The following RADIL variants were observed in gnomAD, a reference collection of about 807,000 sequenced individuals.
The protein encoded by RADIL is Rap associating with DIL domain.
RADIL carries 99 observed loss-of-function variants against 97.6 expected under a neutral mutation model. The observed-to-expected ratio is 1.01, with a 90% CI of 0.86 to 1.20. RADIL has a LOEUF of 1.20. Among genes scored for constraint, RADIL ranks in the 50% most tolerant of loss-of-function variants. RADIL has a pLI of 0.00. For synonymous variants in RADIL, 803 were observed against 691.8 expected (o/e 1.16, Z -2.52); for missense variants, 1,765 against 1,498.9 (o/e 1.18, Z -2.93).
intron 4 of RADIL, among the ~76,000 whole-genome samples, chr7:4,832,437 G>C (rs1783171294): frequency 6.6e-6 from 1 of 152,066 alleles, no homozygotes; most frequent in African/African-American, 2.4e-5. Flanking sequence ...ATAACAACCG[G>C]CTATTTAAAA....
intron 2 of RADIL, among the ~76,000 whole-genome samples, chr7:4,847,857 G>T (rs1222281110): frequency 1.3e-5 from 2 of 151,998 alleles, no homozygotes; most frequent in Non-Finnish European, 2.9e-5. Flanking sequence ...GGGTCTGGGG[G>T]TGGGACCGGC....
In RADIL at chr7:4,842,559, T is replaced by C. The variant is rs969943370; in HGVS notation, c.536-5954A>G. ...AAACTGGACAAGCAGCTGGTGACCG[T>C]CACCAGCTCCCACGGACTCTGAACA... On this transcript the variant is annotated intron_variant, in intron 2 of 14. Coordinates refer to ENST00000399583, the MANE Select transcript of RADIL (RefSeq NM_018059.5). This position sits in a 1 kb window ranked among gnomAD's most constrained non-coding sequence, Gnocchi z 4.5. Among the ~76,000 whole-genome samples, 7 of 152,014 alleles carry C rather than the reference T, an allele frequency of 4.6e-5. No homozygotes were observed. Among genetic ancestry groups the C allele is most frequent in the Non-Finnish European group, 8.8e-5 (6 of 67,990 alleles).
In RADIL at chr7:4,797,430, G is replaced by A. The variant is rs537145261; in HGVS notation, c.*1948C>T. The A allele has an allele frequency of 2.0e-5, 3 of 152,222 alleles. No individual in the cohort carries two copies. The highest frequency in any genetic ancestry group is 2.9e-5 in the Non-Finnish European group (2 of 68,036). 9.4% of individuals were successfully genotyped at this position (152,222 alleles called of 1,614,324 possible). On this transcript the variant is annotated 3_prime_UTR_variant, in exon 15 of 15. Transcript: ENST00000399583. ...GAAGGCCGGAGAATATTGCAGGGAA[G>A]AAGAGATAAGCCCCCTTCTCTTTGT...
chr7:4,822,300 T>C lies in RADIL; in HGVS notation c.1615+94A>G. The C allele has an allele frequency of 7.1e-7, 1 of 1,403,670 alleles. No homozygotes were observed. Among genetic ancestry groups the C allele is most frequent in the South Asian group, 1.4e-5 (1 of 69,660 alleles). The allele number at this position is 1,403,670 out of a possible 1,614,324, so 87.0% of individuals were successfully genotyped here. ...CCCCGGCATGAATCCACCCCTGCTA[T>C]CATGGCCAACTAGGTTCCGAGGACG... is the stretch of plus-strand genomic sequence containing the variant. On this transcript the variant is annotated intron_variant, in intron 6 of 14. Coordinates refer to ENST00000399583, the MANE Select transcript of RADIL (RefSeq NM_018059.5). The surrounding 1 kb of genome is among the most constrained non-coding windows in gnomAD (Gnocchi z 5.3).
rs111348753 is a variant in RADIL, at chr7:4,822,809, C to G, written c.1455-255G>C. On this transcript the variant is annotated intron_variant, in intron 5 of 14. Coordinates refer to ENST00000399583, the MANE Select transcript of RADIL (RefSeq NM_018059.5). The surrounding 1 kb of genome is among the most constrained non-coding windows in gnomAD (Gnocchi z 5.3). ...GGCGCCACAGCCATTGGTAAAAAAC[C>G]TCGGTAAGTAGATGGCTTGCATGTC... Among the ~76,000 whole-genome samples the G allele has an allele frequency of 4.6e-5, 7 of 152,208 alleles. 1 individual carries two copies. The highest frequency in any genetic ancestry group is 1.7e-4 in the African/African-American group (7 of 41,518).
rs1180470403 is a variant in RADIL, at chr7:4,835,000, G to A, written c.1023C>T (p.His341=). The change falls in exon 4 of 15, where the codon CAC becomes CAT. Residue 341 remains histidine (H), a synonymous_variant. Transcript: ENST00000399583. The surrounding 1 kb of genome is among the most constrained non-coding windows in gnomAD (Gnocchi z 6.0). ...EVGHRTVVLH[H]GDLLSLGLYY... is the part of the protein sequence containing the mutation. ...AGAGCCCCAGGGAGAGCAGGTCCCCGTGGTGCAGCACCACGGTCCTGTGCC... is the reference window on the plus strand; with the variant it reads ...AGAGCCCCAGGGAGAGCAGGTCCCCATGGTGCAGCACCACGGTCCTGTGCC... 7 of 1,611,592 alleles carry A rather than the reference G, an allele frequency of 4.3e-6. No individual in the cohort carries two copies. Among genetic ancestry groups the A allele is most frequent in the Non-Finnish European group, 4.2e-6 (5 of 1,179,404 alleles).
At chr7:4,865,677 A>G in intron 2 of RADIL, 2 of 987,886 alleles carry the variant, frequency 2.0e-6, no homozygotes, top group East Asian at 2.4e-5. Context: ...CTTTCTTGCA[A>G]AAACTGCTCA....
chr7:4,860,687 T>C, intron 2 of RADIL: 1 of 1,614,148 alleles, frequency 6.2e-7, no homozygotes, highest in Non-Finnish European at 8.5e-7. Flanking sequence ...AAGTACAATA[T>C]AATGCTTGTA....
chr7:4,805,820 C>A lies in RADIL; in HGVS notation c.2140-104G>T, dbSNP rs1782287605. On this transcript the variant is annotated intron_variant, in intron 9 of 14. Transcript: ENST00000399583. Reference sequence around the variant, plus strand: ...GGCCTGGGGGTAGCCAGCTGAGGGGCCCTGTGGTCCTCACTCCCACCAGGG... The same window carrying A: ...GGCCTGGGGGTAGCCAGCTGAGGGGACCTGTGGTCCTCACTCCCACCAGGG... 19 of 1,468,598 alleles carry A rather than the reference C, an allele frequency of 1.3e-5. 1 individual carries two copies. Among genetic ancestry groups the A allele is most frequent in the Non-Finnish European group, 1.6e-5 (18 of 1,110,758 alleles). 91.0% of individuals were successfully genotyped at this position (1,468,598 alleles called of 1,614,324 possible).
chr7:4,876,887 GT>G (rs1249046907), intron 2 of RADIL, among the ~76,000 whole-genome samples: 3 of 152,216 alleles, frequency 2.0e-5, no homozygotes, highest in Non-Finnish European at 4.4e-5. Flanking sequence ...TGCCACGTAG[GT>G]TTTGGCCTGG....
chr7:4,823,953 G>C (rs537288569), intron 5 of RADIL, among the ~76,000 whole-genome samples: 12 of 152,342 alleles, frequency 7.9e-5, no homozygotes, highest in African/African-American at 2.9e-4. Flanking sequence ...GACGCCCCAG[G>C]GTCCTGGCAG....
At position 4,798,543 on chromosome 7, in the gene RADIL, G is replaced by A. The variant is rs890056680; in HGVS notation, c.*835C>T. ...GCCCAGCGACCCACGCTGTCACCCC[G>A]AGGCAGCAAGTGCCCTGCCCTGGTC... On this transcript the variant is annotated 3_prime_UTR_variant, in exon 15 of 15. Coordinates refer to ENST00000399583, the MANE Select transcript of RADIL (RefSeq NM_018059.5). 1.3e-5 allele frequency: 2 copies of A among 152,656 alleles called. No individual in the cohort carries two copies. Among genetic ancestry groups the A allele is most frequent in the African/African-American group, 2.4e-5 (1 of 41,470 alleles). 9.5% of individuals were successfully genotyped at this position (152,656 alleles called of 1,614,324 possible).
At chr7:4,843,911 C>CAAA (rs36122253) in intron 2 of RADIL, among the ~76,000 whole-genome samples, 4 of 97,678 alleles carry the variant, frequency 4.1e-5, no homozygotes, top group Admixed American at 1.2e-4. Flanking sequence ...GACTCCATTT[C>CAAA]AAAAAAAAAA....
At chr7:4,827,766 T>C (rs1783038445) in intron 5 of RADIL, among the ~76,000 whole-genome samples, 1 of 152,242 alleles carries the variant, frequency 6.6e-6, no homozygotes, top group Non-Finnish European at 1.5e-5. Context: ...CTGGCCCGGA[T>C]GTTCTTCCAG....
chr7:4,810,182 A>G (rs931483478), intron 9 of RADIL, among the ~76,000 whole-genome samples: 4 of 144,196 alleles, frequency 2.8e-5, no homozygotes, highest in Admixed American at 2.1e-4. Context: ...ATTTAATTTT[A>G]TGACAGGGTC....
In RADIL at chr7:4,835,247, AGAG is replaced by A. The variant is rs1231950297; in HGVS notation, c.784-11_784-9del. On this transcript the variant is annotated splice_polypyrimidine_tract_variant and intron_variant, in intron 3 of 14. Coordinates refer to ENST00000399583, the MANE Select transcript of RADIL (RefSeq NM_018059.5). This position sits in a 1 kb window ranked among gnomAD's most constrained non-coding sequence, Gnocchi z 5.8. ...CACATACACCAGGCTGTCCTGAAAC[AGAG>A]ACTCCGCTCAGGGCAGGCGTAACGC... 1 of 1,607,086 alleles carries A rather than the reference AGAG, an allele frequency of 6.2e-7. No homozygotes were observed. The highest frequency in any genetic ancestry group is 1.1e-5 in the South Asian group (1 of 90,942).
At position 4,821,640 on chromosome 7, in the gene RADIL, C is replaced by T. The variant is rs762430372; in HGVS notation, c.1615+754G>A. ...AGCACTTTGGGAGGCTGAGGTGGGGCGGATCAGGAGTTTGAGACCAGCCTG... is the reference window on the plus strand; with the variant it reads ...AGCACTTTGGGAGGCTGAGGTGGGGTGGATCAGGAGTTTGAGACCAGCCTG... On this transcript the variant is annotated intron_variant, in intron 6 of 14. Coordinates refer to ENST00000399583, the MANE Select transcript of RADIL (RefSeq NM_018059.5). This position sits in a 1 kb window ranked among gnomAD's most constrained non-coding sequence, Gnocchi z 5.2. 5.3e-5 allele frequency among the ~76,000 whole-genome samples: 8 copies of T among 151,866 alleles called. No homozygotes were observed. Among genetic ancestry groups the T allele is most frequent in the Admixed American group, 6.6e-5 (1 of 15,238 alleles).
At chr7:4,870,072 C>G (rs1402466685) in intron 2 of RADIL, among the ~76,000 whole-genome samples, 1 of 152,160 alleles carries the variant, frequency 6.6e-6, no homozygotes, top group African/African-American at 2.4e-5. Context: ...CCCAGGAGAT[C>G]GAGGCTGCAG....
rs999671221 is a variant in RADIL, at chr7:4,835,409, G to A, written c.784-170C>T. 6.6e-6 allele frequency among the ~76,000 whole-genome samples: 1 copy of A among 152,094 alleles called. No individual in the cohort carries two copies. The highest frequency in any genetic ancestry group is 1.5e-5 in the Non-Finnish European group (1 of 68,010). ...GAACCCCGACGGCTCTCAGGAACCC[G>A]CCCCTCGATGTCCGGGCCCATCCCA... is the stretch of plus-strand genomic sequence containing the variant. On this transcript the variant is annotated intron_variant, in intron 3 of 14. Coordinates refer to ENST00000399583, the MANE Select transcript of RADIL (RefSeq NM_018059.5). The surrounding 1 kb of genome is among the most constrained non-coding windows in gnomAD (Gnocchi z 5.8).
Sources: allele counts gnomAD v4.1 joint callset (sites outside exome capture counted in the v4.1 genomes callset), GRCh38; gene constraint gnomAD v4.1.1; non-coding constraint Gnocchi (gnomAD v3.1); transcripts MANE v1.5; gene names NCBI Gene and HGNC (gene_info 2026-07-23, HGNC 2026-07-21).